The following NFATC1 variants were observed in gnomAD, a reference collection of about 807,000 sequenced individuals.
The protein encoded by NFATC1 is nuclear factor of activated T-cells, cytoplasmic 1.
In NFATC1, 22 loss-of-function variants were observed where a neutral mutation model predicts 76.0. The ratio of observed to expected loss-of-function variants is 0.29; its 90% CI spans 0.21 to 0.41. NFATC1 has a LOEUF of 0.41. Ranked by LOEUF, NFATC1 falls within the 10% of genes least tolerant of loss-of-function variation. The pLI is 1.00. For synonymous variants in NFATC1, 704 were observed against 613.1 expected (o/e 1.15, Z -2.19); for missense variants, 1,357 against 1,337.7 (o/e 1.01, Z -0.23).
intron 6 of NFATC1, among the ~76,000 whole-genome samples, chr18:79,454,400 A>G (rs1215393252): frequency 6.6e-6 from 1 of 152,192 alleles, no homozygotes; most frequent in African/African-American, 2.4e-5. Flanking sequence ...GAAGTTTTAG[A>G]TGGAGCGGCT....
intron 9 of NFATC1, among the ~76,000 whole-genome samples, chr18:79,508,413 G>A (rs78496390): frequency 0.06 from 9,207 of 152,208 alleles, 408 homozygotes; most frequent in Admixed American, 0.097. Context: ...CGCATGGGCA[G>A]GTGTTTTTTA....
intron 1 of NFATC1, chr18:79,400,381 C>CCCCGGCCCCGGG: frequency 1.4e-6 from 2 of 1,479,784 alleles, no homozygotes; most frequent in Non-Finnish European, 1.8e-6. Context: ...CCGGCCCCGG[C>CCCCGGCCCCGGG]CCGACCCGCC....
At chr18:79,429,848 T>G (rs1408967933) in intron 2 of NFATC1, among the ~76,000 whole-genome samples, 1 of 152,258 alleles carries the variant, frequency 6.6e-6, no homozygotes, top group Non-Finnish European at 1.5e-5. Context: ...AATGCAGTCC[T>G]GCACCGCGGC....
At chr18:79,476,259 G>A (rs112187368) in intron 8 of NFATC1, among the ~76,000 whole-genome samples, 15,710 of 152,304 alleles carry the variant, frequency 0.1, 1,050 homozygotes, top group Non-Finnish European at 0.15. Flanking sequence ...GGGCGGCGTC[G>A]GCCATGCTGC....
chr18:79,523,725 A>G (rs945521434), intron 9 of NFATC1, among the ~76,000 whole-genome samples: 1 of 152,256 alleles, frequency 6.6e-6, no homozygotes, highest in Non-Finnish European at 1.5e-5. Context: ...GCCTGCAGCC[A>G]GGATTCAAAA....
chr18:79,493,724 A>G (rs923608583), intron 9 of NFATC1: 8 of 152,222 alleles, frequency 5.3e-5, no homozygotes, highest in Non-Finnish European at 8.8e-5. Context: ...GATGATTGAA[A>G]GAGCCTGTGT....
rs1271684168 is a variant in NFATC1 at position 79,411,310 on chromosome 18, A to G, written c.1035A>G (p.Ser345=). ...SRKTTLEQPP[S]VALKVEPVGE... ...AGACCACCCTGGAGCAGCCGCCCTCAGTGGCGCTCAAGGTGGAGCCCGTCG... is the reference window on the plus strand; with the variant it reads ...AGACCACCCTGGAGCAGCCGCCCTCGGTGGCGCTCAAGGTGGAGCCCGTCG... The change falls in exon 2 of 10, where the codon TCA becomes TCG. Residue 345 remains serine, a synonymous_variant. Transcript: ENST00000427363. 1 of 1,603,366 alleles carries G rather than the reference A, an allele frequency of 6.2e-7. No homozygotes were observed. The highest frequency in any genetic ancestry group is 8.5e-7 in the Non-Finnish European group (1 of 1,177,908).
At chr18:79,469,616 C>A in intron 8 of NFATC1, 1 of 986,070 alleles carries the variant, frequency 1.0e-6, no homozygotes, top group Non-Finnish European at 1.2e-6. Context: ...CCTGCACCCC[C>A]TGCCCAGTGT....
At chr18:79,460,973 T>A (rs2088038632) in intron 6 of NFATC1, among the ~76,000 whole-genome samples, 1 of 152,180 alleles carries the variant, frequency 6.6e-6, no homozygotes. Context: ...CCTGAGGCTG[T>A]GAGAGGCCAG....
At chr18:79,485,448 A>G (rs117728822) in intron 8 of NFATC1, among the ~76,000 whole-genome samples, 3,320 of 152,328 alleles carry the variant, frequency 0.022, 52 homozygotes, top group Non-Finnish European at 0.031. Context: ...TGCTGACTGC[A>G]CACCCTGCCT....
Position 79,467,704 on chromosome 18 carries a change from CCCGTT to C in NFATC1, c.2092+123_2092+127del, listed in dbSNP as rs1353915848. The C allele has an allele frequency of 2.2e-5, 32 of 1,427,642 alleles. No homozygotes were observed. In the Admixed American group the frequency reaches 5.6e-4, roughly 25 times the overall value. 88.4% of individuals were successfully genotyped at this position (1,427,642 alleles called of 1,614,324 possible). ...TGTTGCACATTTAACTGTGTGATGTCCCGTTAGTGAGACCGAGCCATCGATGCCCT... is the reference window on the plus strand; with the variant it reads ...TGTTGCACATTTAACTGTGTGATGTCAGTGAGACCGAGCCATCGATGCCCT... On this transcript the variant is annotated intron_variant, in intron 8 of 9. Transcript: ENST00000427363.
chr18:79,494,619 G>A (rs113668906), intron 9 of NFATC1, among the ~76,000 whole-genome samples: 2 of 67,138 alleles, frequency 3.0e-5, no homozygotes, highest in Non-Finnish European at 3.1e-5. Flanking sequence ...TGGTACCGCC[G>A]GGGGAAGGCG....
intron 9 of NFATC1, among the ~76,000 whole-genome samples, chr18:79,509,160 T>C (rs2145165721): frequency 6.6e-6 from 1 of 152,344 alleles, no homozygotes; most frequent in African/African-American, 2.4e-5. Flanking sequence ...GAGAGGGACG[T>C]GCTGGCCCCT....
At chr18:79,474,065 G>A (rs1238632566) in intron 8 of NFATC1, among the ~76,000 whole-genome samples, 1 of 145,440 alleles carries the variant, frequency 6.9e-6, no homozygotes, top group Non-Finnish European at 1.5e-5. Context: ...ACGTAAACCT[G>A]AGGGAAGCGT....
intron 1 of NFATC1, chr18:79,402,365 G>A (rs933015038): frequency 7.1e-6 from 7 of 985,324 alleles, no homozygotes; most frequent in Admixed American, 1.2e-4. Context: ...AGAAGCAGGT[G>A]GCCGCCTTCC....
At position 79,411,323 on chromosome 18, in the gene NFATC1, G is replaced by A; in HGVS notation, c.1048G>A (p.Val350Met). The A allele has an allele frequency of 3.7e-6, 6 of 1,601,804 alleles. No individual in the cohort carries two copies. Among genetic ancestry groups the A allele is most frequent in the Non-Finnish European group, 5.1e-6 (6 of 1,176,270 alleles). Residue 350 changes from valine (V) to methionine (M), a missense_variant, in exon 2 of 10, where the codon GTG becomes ATG. Coordinates refer to ENST00000427363, the MANE Select transcript of NFATC1 (RefSeq NM_001278669.2). Reference sequence around the variant, plus strand: ...GCAGCCGCCCTCAGTGGCGCTCAAGGTGGAGCCCGTCGGGGAGGACCTGGG... The same window carrying A: ...GCAGCCGCCCTCAGTGGCGCTCAAGATGGAGCCCGTCGGGGAGGACCTGGG... ...LEQPPSVALKVEPVGEDLGSP... is the reference protein window; with the variant it reads ...LEQPPSVALKMEPVGEDLGSP...
rs1208698195 is a variant in NFATC1, at chr18:79,521,410, TGG to T, written c.2783-6113_2783-6112del. Among the ~76,000 whole-genome samples, 274 of 47,530 alleles carry T rather than the reference TGG, an allele frequency of 5.8e-3. 1 individual carries two copies. The highest frequency in any genetic ancestry group is 7.9e-3 in the Non-Finnish European group (197 of 24,950). The allele number at this position is 47,530 out of a possible 152,430, so 31.2% of individuals were successfully genotyped here. On this transcript the variant is annotated intron_variant, in intron 9 of 9. Coordinates refer to ENST00000427363, the MANE Select transcript of NFATC1 (RefSeq NM_001278669.2). ...ACTGATGTGTGTGTCTGTGTGTGTGTGGGGGGCATCCACTGATGTGTGTGTCT... is the reference window on the plus strand; with the variant it reads ...ACTGATGTGTGTGTCTGTGTGTGTGTGGGGCATCCACTGATGTGTGTGTCT...
At chr18:79,462,910 G>A (rs1030070585) in intron 7 of NFATC1, among the ~76,000 whole-genome samples, 8 of 152,224 alleles carry the variant, frequency 5.3e-5, no homozygotes, top group African/African-American at 1.4e-4. Context: ...CATCTCGGGC[G>A]GCTGGAGGCA....
intron 8 of NFATC1, among the ~76,000 whole-genome samples, chr18:79,482,752 G>A (rs1399449094): frequency 1.2e-4 from 16 of 131,036 alleles, no homozygotes; most frequent in African/African-American, 3.2e-4. Context: ...TCACTCCAGC[G>A]TGACCTCGTT....
Sources: gnomAD v4.1 joint callset for allele counts (sites outside exome capture counted in the v4.1 genomes callset) on GRCh38, gnomAD v4.1.1 for gene constraint, MANE v1.5 for transcripts, NCBI Gene and HGNC (gene_info 2026-07-23, HGNC 2026-07-21) for gene names.